Variants in THADA observed in about 807,000 individuals in gnomAD.
The protein encoded by THADA is tRNA (32-2'-O)-methyltransferase regulator THADA.
A neutral mutation model predicts 219.8 loss-of-function variants in THADA; 213 were observed. That is an observed-to-expected ratio of 0.97 (90% CI 0.87 to 1.09). The LOEUF is 1.09. Ranked by LOEUF, THADA falls within the 50% of genes least tolerant of loss-of-function variation. THADA has a pLI of 0.00. For synonymous variants in THADA, 1,018 were observed against 828.9 expected, an observed-to-expected ratio of 1.23 and a Z score of -3.92; for missense variants, 2,956 against 2,311.3, an observed-to-expected ratio of 1.28 and a Z score of -5.72.
intron 2 of THADA, 87 bp downstream of exon 2, chr2:43,592,230 A>C: frequency 9.3e-7 from 1 of 1,073,702 alleles, no homozygotes; most frequent in Non-Finnish European, 1.3e-6. Context: ...AAGAATTTGA[A>C]TATTATATGC....
At chr2:43,335,757 T>G (rs1037917823) in intron 30 of THADA, among the ~76,000 whole-genome samples, 8 of 135,706 alleles carry the variant, frequency 5.9e-5, no homozygotes, top group Non-Finnish European at 1.1e-4. Context: ...CCAGGGGTAC[T>G]AAACCAGCCT....
intron 36 of THADA, among the ~76,000 whole-genome samples, chr2:43,259,404 C>T (rs992313443): frequency 3.9e-5 from 6 of 152,214 alleles, no homozygotes; most frequent in South Asian, 2.1e-4. Flanking sequence ...CATGATTGTC[C>T]GCTCCCTGCC....
chr2:43,366,690 G>C (rs191082565), intron 29 of THADA, among the ~76,000 whole-genome samples: 1 of 152,238 alleles, frequency 6.6e-6, no homozygotes, highest in African/African-American at 2.4e-5. Context: ...AAAAAATCAA[G>C]ATTCCCTACA....
At chr2:43,541,449 AG>A (rs1216125362) in intron 20 of THADA, 133 bp from the exon 21 acceptor site, 5 of 977,940 alleles carry the variant, frequency 5.1e-6, no homozygotes, top group Non-Finnish European at 7.7e-6. Context: ...ATATTTACTC[AG>A]AAGGAAAGAA....
intron 26 of THADA, among the ~76,000 whole-genome samples, chr2:43,432,760 C>T (rs1679532988): frequency 6.6e-6 from 1 of 152,158 alleles, no homozygotes; most frequent in East Asian, 1.9e-4. Context: ...TTTTGATTTG[C>T]ATTTCCTTGA....
chr2:43,588,063 T>A (rs1574388958), intron 4 of THADA, among the ~76,000 whole-genome samples: 1 of 152,116 alleles, frequency 6.6e-6, no homozygotes, highest in Non-Finnish European at 1.5e-5. Flanking sequence ...CAAACTATAG[T>A]AAATAAAAGT....
chr2:43,295,718 A>T (rs1675290295), intron 31 of THADA, among the ~76,000 whole-genome samples: 1 of 144,796 alleles, frequency 6.9e-6, no homozygotes, highest in African/African-American at 2.8e-5. Context: ...TAAAACATTC[A>T]GGTAACAGAA....
chr2:43,235,171 G>C lies in THADA; in HGVS notation c.5297-2289C>G, dbSNP rs552995301. The stretch of plus-strand genomic sequence containing the variant: ...ATTTTTGTATTTTTAGTAGAGATGG[G>C]GTTTCACCATGTTGGCCAGGCTAGT... On this transcript the variant is annotated intron_variant, in intron 36 of 37. Coordinates refer to ENST00000405975, the MANE Select transcript of THADA (RefSeq NM_022065.5). 5.3e-5 allele frequency among the ~76,000 whole-genome samples: 8 copies of C among 151,852 alleles called. No homozygotes were observed. The South Asian group carries it at 1.2e-3, about 24-fold the overall frequency.
At chr2:43,250,393 AG>A (rs1669693980) in intron 36 of THADA, among the ~76,000 whole-genome samples, 1 of 151,292 alleles carries the variant, frequency 6.6e-6, no homozygotes, top group African/African-American at 2.4e-5. Context: ...GCCAGAGGCC[AG>A]GGGATAGTGG....
At chr2:43,416,691 T>C (rs1677023938) in intron 28 of THADA, among the ~76,000 whole-genome samples, 1 of 152,186 alleles carries the variant, frequency 6.6e-6, no homozygotes, top group South Asian at 2.1e-4. Flanking sequence ...ACACAGGTTT[T>C]GGCTGGTAAC....
chr2:43,472,206 T>C (rs982430864), intron 26 of THADA, among the ~76,000 whole-genome samples: 1 of 152,210 alleles, frequency 6.6e-6, no homozygotes, highest in African/African-American at 2.4e-5. Context: ...ATTTTGAAGG[T>C]AGCCAAGGCT....
At position 43,427,552 on chromosome 2, in the gene THADA, AT is replaced by A. The variant is rs1179888153; in HGVS notation, c.4058+547del. ...GTGTGTGTGTATACAAGTTATATAT[AT>A]ATACACGCACACACACAATAGTTAT... is the stretch of plus-strand genomic sequence containing the variant. On this transcript the variant is annotated intron_variant, in intron 28 of 37. Transcript: ENST00000405975. 3.6e-5 allele frequency among the ~76,000 whole-genome samples: 5 copies of A among 139,796 alleles called. No homozygotes were observed. In the East Asian group the frequency reaches 9.8e-4, roughly 27 times the overall value. The allele number at this position is 139,796 out of a possible 152,430, so 91.7% of individuals were successfully genotyped here. A position where few individuals can be genotyped will look rare whatever the true frequency, so the allele number is the denominator to read the frequency against.
chr2:43,417,965 T>C (rs1167681730), intron 28 of THADA, among the ~76,000 whole-genome samples: 5 of 152,194 alleles, frequency 3.3e-5, no homozygotes, highest in Non-Finnish European at 1.5e-5. Context: ...GCCTGGCTTA[T>C]AGTAAACATT....
intron 26 of THADA, among the ~76,000 whole-genome samples, chr2:43,444,237 T>A (rs1681227036): frequency 6.6e-6 from 1 of 152,212 alleles, no homozygotes; most frequent in Admixed American, 6.5e-5. Flanking sequence ...CTGCACTTAC[T>A]AGCATATCAA....
intron 36 of THADA, among the ~76,000 whole-genome samples, chr2:43,276,121 A>T (rs1034335346): frequency 1.3e-5 from 2 of 151,968 alleles, no homozygotes; most frequent in East Asian, 1.9e-4. Flanking sequence ...CAGCCCACAA[A>T]TTTTTTTTCT....
intron 20 of THADA, among the ~76,000 whole-genome samples, chr2:43,547,250 C>T (rs1365258237): frequency 6.6e-6 from 1 of 151,596 alleles, no homozygotes; most frequent in East Asian, 1.9e-4. Flanking sequence ...CGCTGTTAGT[C>T]GGGCTTCCCT....
chr2:43,454,132 C>G (rs1266038553), intron 26 of THADA, among the ~76,000 whole-genome samples: 1 of 152,144 alleles, frequency 6.6e-6, no homozygotes, highest in Non-Finnish European at 1.5e-5. Context: ...GGCCTGCCAA[C>G]TTTTTTCTTT....
intron 26 of THADA, among the ~76,000 whole-genome samples, chr2:43,447,990 G>A (rs1194048661): frequency 6.6e-6 from 1 of 152,026 alleles, no homozygotes; most frequent in African/African-American, 2.4e-5. Context: ...AGCACTAAGG[G>A]GGAAAGAATA....
chr2:43,376,900 C>A (rs1256807048), intron 29 of THADA, among the ~76,000 whole-genome samples: 1 of 152,128 alleles, frequency 6.6e-6, no homozygotes, highest in Non-Finnish European at 1.5e-5. Context: ...GTGCTGGAGC[C>A]AGTGTCAGAC....
Sources: gnomAD v4.1 joint callset for allele counts (sites outside exome capture counted in the v4.1 genomes callset) on GRCh38, gnomAD v4.1.1 for gene constraint, MANE v1.5 for transcripts, NCBI Gene and HGNC (gene_info 2026-07-23, HGNC 2026-07-21) for gene names.